Variants in SMAD2 observed in about 807,000 individuals in gnomAD.
SMAD2 encodes the protein MAD homolog 2.
SMAD2 carries 8 observed loss-of-function variants against 64.4 expected under a neutral mutation model. The observed-to-expected ratio is 0.12, with a 90% CI of 0.07 to 0.22. The LOEUF is 0.22. Ranked by LOEUF, SMAD2 falls within the 10% of genes least tolerant of loss-of-function variation. SMAD2 has a pLI of 1.00. For missense variants in SMAD2, 289 were observed against 561.2 expected (o/e 0.51, Z 4.90); for synonymous variants, 203 against 195.8 (o/e 1.04, Z -0.31).
chr18:47,843,574 A>C (rs1914184693), intron 10 of SMAD2, among the ~76,000 whole-genome samples: 1 of 152,226 alleles, frequency 6.6e-6, no homozygotes, highest in South Asian at 2.1e-4. Context: ...ATAGTTTTAG[A>C]AACCTAAACA....
At chr18:47,865,590 C>T (rs1344737320) in intron 5 of SMAD2, among the ~76,000 whole-genome samples, 1 of 152,104 alleles carries the variant, frequency 6.6e-6, no homozygotes, top group Non-Finnish European at 1.5e-5. Flanking sequence ...ATAATACAGG[C>T]TTACAACTTA....
At chr18:47,870,814 T>C (rs1200186816) in intron 2 of SMAD2, among the ~76,000 whole-genome samples, 1 of 152,196 alleles carries the variant, frequency 6.6e-6, no homozygotes, top group African/African-American at 2.4e-5. Flanking sequence ...CAACGCCCTC[T>C]AGCTCAATGA....
At chr18:47,848,335 CACT>C in intron 8 of SMAD2, 137 bp downstream of exon 8, 1 of 696,162 alleles carries the variant, frequency 1.4e-6, no homozygotes, top group Non-Finnish European at 2.6e-6. Context: ...GAAGCCTGTG[CACT>C]TAAATGTGTC....
In SMAD2 at chr18:47,838,960, AAG is replaced by A. The variant is rs1381670365; in HGVS notation, c.*2865_*2866del. The A allele has an allele frequency of 4.3e-6, 1 of 233,330 alleles. No homozygotes were observed. The allele number at this position is 233,330 out of a possible 1,614,324, so 14.5% of individuals were successfully genotyped here. A position where few individuals can be genotyped will look rare whatever the true frequency, so the allele number is the denominator to read the frequency against. ...TTTAAATAAAGACAAAAATTCAACA[AAG>A]AGGGGATTCTATCACTTAGAAAAAT... On this transcript the variant is annotated 3_prime_UTR_variant, in exon 11 of 11. Coordinates refer to ENST00000262160, the MANE Select transcript of SMAD2 (RefSeq NM_005901.6).
chr18:47,849,788 G>A (rs1367633981), intron 7 of SMAD2, among the ~76,000 whole-genome samples: 2 of 151,854 alleles, frequency 1.3e-5, no homozygotes, highest in Non-Finnish European at 2.9e-5. Context: ...TGGGTGATTC[G>A]TTTGAGGCCA....
At chr18:47,874,008 T>C (rs1014122083) in intron 2 of SMAD2, among the ~76,000 whole-genome samples, 7 of 152,214 alleles carry the variant, frequency 4.6e-5, no homozygotes, top group African/African-American at 1.7e-4. Flanking sequence ...CTGTGAACTC[T>C]GCCCAAACTC....
At chr18:47,849,551 C>T (rs1914885359) in intron 7 of SMAD2, among the ~76,000 whole-genome samples, 1 of 151,826 alleles carries the variant, frequency 6.6e-6, no homozygotes, top group Non-Finnish European at 1.5e-5. Flanking sequence ...CTAGGACCGG[C>T]TCCCCCTAAC....
intron 1 of SMAD2, among the ~76,000 whole-genome samples, chr18:47,902,608 AT>A (rs775773690): frequency 3.5e-4 from 53 of 152,218 alleles, no homozygotes; most frequent in Non-Finnish European, 6.3e-4. Flanking sequence ...TCAGTTATGT[AT>A]TATCAGACTA....
intron 1 of SMAD2, among the ~76,000 whole-genome samples, chr18:47,911,351 GA>G (rs757456034): frequency 1.7e-3 from 202 of 118,656 alleles, no homozygotes; most frequent in Middle Eastern, 4.3e-3. Flanking sequence ...ACTCCATCTG[GA>G]AAAAAAAAAA....
At chr18:47,872,517 A>T (rs1297342341) in intron 2 of SMAD2, among the ~76,000 whole-genome samples, 1 of 152,210 alleles carries the variant, frequency 6.6e-6, no homozygotes, top group Non-Finnish European at 1.5e-5. Flanking sequence ...TAATATAGAG[A>T]TGACTTAAAG....
intron 1 of SMAD2, among the ~76,000 whole-genome samples, chr18:47,928,886 T>C (rs2034876438): frequency 6.6e-6 from 1 of 152,142 alleles, no homozygotes; most frequent in South Asian, 2.1e-4. Context: ...CAGCAGAGTT[T>C]AATATTTATA....
At chr18:47,876,912 A>G (rs765524312) in intron 2 of SMAD2, among the ~76,000 whole-genome samples, 1 of 152,098 alleles carries the variant, frequency 6.6e-6, no homozygotes, top group African/African-American at 2.4e-5. Context: ...AAGGATATAG[A>G]TATTTATTCA....
intron 1 of SMAD2, among the ~76,000 whole-genome samples, chr18:47,924,318 A>G (rs2053327028): frequency 6.6e-6 from 1 of 152,052 alleles, no homozygotes; most frequent in Non-Finnish European, 1.5e-5. Context: ...TACCACAGAT[A>G]AAGTATCTCT....
intron 7 of SMAD2, among the ~76,000 whole-genome samples, chr18:47,849,547 C>A (rs1914884247): frequency 6.6e-6 from 1 of 151,618 alleles, no homozygotes; most frequent in Non-Finnish European, 1.5e-5. Context: ...GGTTCTAGGA[C>A]CGGCTCCCCC....
In SMAD2 at chr18:47,826,405, A is replaced by C. The variant is rs997409816; in HGVS notation, c.*15422T>G. ...TGTAGTGCCTTTCCACACTGGGTTT[A>C]GCCATGTGGCTTGTTTCTGGTGAAT... On this transcript the variant is annotated 3_prime_UTR_variant, in exon 11 of 11. Transcript: ENST00000262160. 1.3e-5 allele frequency: 2 copies of C among 152,244 alleles called. No individual in the cohort carries two copies. Among genetic ancestry groups the C allele is most frequent in the Non-Finnish European group, 2.9e-5 (2 of 68,050 alleles). 9.4% of individuals were successfully genotyped at this position (152,244 alleles called of 1,614,324 possible). A position where few individuals can be genotyped will look rare whatever the true frequency, so the allele number is the denominator to read the frequency against.
chr18:47,927,665 C>T (rs1453057263), intron 1 of SMAD2, among the ~76,000 whole-genome samples: 2 of 152,106 alleles, frequency 1.3e-5, no homozygotes, highest in Non-Finnish European at 2.9e-5. Context: ...TTTGGGAGGC[C>T]GAGGTGGGCG....
intron 1 of SMAD2, among the ~76,000 whole-genome samples, chr18:47,927,062 T>A (rs757165308): frequency 2.6e-5 from 4 of 152,180 alleles, no homozygotes; most frequent in Non-Finnish European, 4.4e-5. Context: ...TGGGTCTCGG[T>A]TTAACTAACT....
intron 2 of SMAD2, among the ~76,000 whole-genome samples, chr18:47,873,043 G>C (rs1242083432): frequency 6.6e-6 from 1 of 151,998 alleles, no homozygotes; most frequent in African/African-American, 2.4e-5. Context: ...AACACTTTTT[G>C]TAGAGACAAA....
At chr18:47,873,523 C>G (rs16958574) in intron 2 of SMAD2, among the ~76,000 whole-genome samples, 2,616 of 152,224 alleles carry the variant, frequency 0.017, 66 homozygotes, top group African/African-American at 0.059. Context: ...ACCTGTCCTA[C>G]CAGATTCTGA....
Sources: gnomAD v4.1 joint callset for allele counts (sites outside exome capture counted in the v4.1 genomes callset) on GRCh38, gnomAD v4.1.1 for gene constraint, MANE v1.5 for transcripts, NCBI Gene and HGNC (gene_info 2026-07-23, HGNC 2026-07-21) for gene names.